GALNT17: variants seen among roughly 807,000 people sequenced by gnomAD.
GALNT17 encodes the protein UDP-GalNAc:polypeptide N-acetylgalactosaminyltransferase-like 3.
GALNT17 carries 29 observed loss-of-function variants against 63.7 expected under a neutral mutation model. The ratio of observed to expected loss-of-function variants is 0.46; its 90% CI spans 0.34 to 0.62. The LOEUF (loss-of-function observed/expected upper bound fraction) is 0.62, where lower values mean the gene tolerates loss of function less well. Ranked by LOEUF, GALNT17 falls within the 20% of genes least tolerant of loss-of-function variation. The pLI is 0.01. For missense variants in GALNT17, 603 were observed against 799.6 expected (o/e 0.75, Z 2.97); for synonymous variants, 305 against 318.3 (o/e 0.96, Z 0.45).
At chr7:71,699,171 CAAAAAAAAAAAAAA>C (rs59124269) in intron 9 of GALNT17, among the ~76,000 whole-genome samples, 6 of 77,296 alleles carry the variant, frequency 7.8e-5, no homozygotes, top group African/African-American at 2.5e-4. Context: ...GACTCCATCT[CAAAAAAAAAAAAAA>C]AAAAAAAAAA....
chr7:71,367,990 C>T (rs2141886), intron 2 of GALNT17, among the ~76,000 whole-genome samples: 7,430 of 152,230 alleles, frequency 0.049, 627 homozygotes, highest in African/African-American at 0.17. Flanking sequence ...TGAGCCAGTT[C>T]TGACTGCCCA....
intron 1 of GALNT17, among the ~76,000 whole-genome samples, chr7:71,206,136 GTATA>G (rs55959718): frequency 2.0e-5 from 3 of 147,466 alleles, no homozygotes; most frequent in Non-Finnish European, 4.5e-5. Context: ...GTTTGTGTGT[GTATA>G]TATATATGAA....
intron 5 of GALNT17, among the ~76,000 whole-genome samples, chr7:71,560,092 G>A (rs575410759): frequency 6.7e-6 from 1 of 150,344 alleles, no homozygotes; most frequent in East Asian, 2.0e-4. Context: ...TACTCGGGAG[G>A]CTGAGGCAGG....
intron 5 of GALNT17, among the ~76,000 whole-genome samples, chr7:71,454,803 T>C (rs1175478800): frequency 2.6e-5 from 4 of 151,980 alleles, no homozygotes; most frequent in Admixed American, 1.3e-4. Context: ...AAAGGTGAAA[T>C]AGAGGACATG....
At chr7:71,536,507 C>A (rs1162385689) in intron 5 of GALNT17, among the ~76,000 whole-genome samples, 1 of 152,108 alleles carries the variant, frequency 6.6e-6, no homozygotes, top group Non-Finnish European at 1.5e-5. Flanking sequence ...AGAATCATGG[C>A]GGGAGGTGAA....
chr7:71,215,985 G>A (rs1171076878), intron 1 of GALNT17, among the ~76,000 whole-genome samples: 1 of 152,038 alleles, frequency 6.6e-6, no homozygotes, highest in Non-Finnish European at 1.5e-5. Flanking sequence ...GAGGCAGGAG[G>A]ATTGCTTGAC....
At chr7:71,610,537 A>G (rs979364646) in intron 6 of GALNT17, among the ~76,000 whole-genome samples, 1 of 152,100 alleles carries the variant, frequency 6.6e-6, no homozygotes, top group Non-Finnish European at 1.5e-5. Flanking sequence ...CAAAGGAGAA[A>G]ACCAAAAATA....
At chr7:71,324,899 A>AT (rs536611641) in intron 1 of GALNT17, among the ~76,000 whole-genome samples, 187 of 152,262 alleles carry the variant, frequency 1.2e-3, no homozygotes, top group African/African-American at 4.4e-3. Flanking sequence ...ATTTGAACTA[A>AT]TTATCACTAA....
chr7:71,520,110 T>C (rs79467079), intron 5 of GALNT17, among the ~76,000 whole-genome samples: 7,195 of 152,180 alleles, frequency 0.047, 333 homozygotes, highest in African/African-American at 0.12. Context: ...CATACAGATA[T>C]GTAATTGTAA....
chr7:71,157,125 C>T (rs1788250846), intron 1 of GALNT17, among the ~76,000 whole-genome samples: 1 of 151,674 alleles, frequency 6.6e-6, no homozygotes, highest in Non-Finnish European at 1.5e-5. Flanking sequence ...CATGGTTCAA[C>T]ACCCTTGTTT....
At chr7:71,574,049 C>T (rs1789495704) in intron 6 of GALNT17, among the ~76,000 whole-genome samples, 1 of 152,184 alleles carries the variant, frequency 6.6e-6, no homozygotes, top group Non-Finnish European at 1.5e-5. Flanking sequence ...CTCTCTTTAC[C>T]TGTTCTGCCA....
chr7:71,381,708 G>A (rs952223633), intron 2 of GALNT17, among the ~76,000 whole-genome samples: 2 of 152,198 alleles, frequency 1.3e-5, no homozygotes, highest in South Asian at 4.1e-4. Flanking sequence ...GAACCTGGGA[G>A]GTGGAGGTTG....
intron 7 of GALNT17, among the ~76,000 whole-genome samples, chr7:71,668,586 A>C (rs982979153): frequency 3.3e-5 from 5 of 151,060 alleles, no homozygotes; most frequent in African/African-American, 7.3e-5. Flanking sequence ...GTTAAAAGTT[A>C]CTGCTCAGGG....
At chr7:71,203,224 A>G (rs965292470) in intron 1 of GALNT17, among the ~76,000 whole-genome samples, 1 of 152,174 alleles carries the variant, frequency 6.6e-6, no homozygotes, top group African/African-American at 2.4e-5. Context: ...GAGCCTCCAT[A>G]CTGTTTTCCA....
intron 5 of GALNT17, among the ~76,000 whole-genome samples, chr7:71,449,223 C>T (rs1787217010): frequency 2.9e-5 from 4 of 139,448 alleles, no homozygotes; most frequent in African/African-American, 1.1e-4. Flanking sequence ...AGCAATTCTC[C>T]TGCCTTAGTC....
At chr7:71,209,605 C>G (rs1309044566) in intron 1 of GALNT17, among the ~76,000 whole-genome samples, 1 of 152,180 alleles carries the variant, frequency 6.6e-6, no homozygotes, top group Non-Finnish European at 1.5e-5. Context: ...AAGCGATTCT[C>G]CCACCTCAGC....
At chr7:71,137,141 T>TC (rs1562851918) in intron 1 of GALNT17, among the ~76,000 whole-genome samples, 1 of 124,020 alleles carries the variant, frequency 8.1e-6, no homozygotes, top group African/African-American at 2.8e-5. Flanking sequence ...ATTTTTGACT[T>TC]TTTTTTTTTT....
Position 71,462,594 on chromosome 7 carries a change from G to A in GALNT17, c.962+41489G>A, listed in dbSNP as rs190555883. Among the ~76,000 whole-genome samples, 45 of 152,310 alleles carry A rather than the reference G, an allele frequency of 3.0e-4. 5 individuals carry two copies. Among genetic ancestry groups the A allele is most frequent in the East Asian group, 2.9e-3 (15 of 5,168 alleles). ...GGTTTTATACATTCTAGGGAGACGT[G>A]AGACATCAATCAATATATGTTAAAA... On this transcript the variant is annotated intron_variant, in intron 5 of 10. Transcript: ENST00000333538.
chr7:71,709,749 C>T (rs1791766418), intron 9 of GALNT17, among the ~76,000 whole-genome samples: 2 of 152,086 alleles, frequency 1.3e-5, no homozygotes, highest in Admixed American at 6.5e-5. Context: ...TAGTTGCTCA[C>T]CACCACACCC....
Sources: allele counts gnomAD v4.1 joint callset (sites outside exome capture counted in the v4.1 genomes callset), GRCh38; gene constraint gnomAD v4.1.1; transcripts MANE v1.5; gene names NCBI Gene and HGNC (gene_info 2026-07-23, HGNC 2026-07-21).